The following NUBPL variants were observed in gnomAD, a reference collection of about 807,000 sequenced individuals.
NUBPL encodes the protein NUBP iron-sulfur cluster assembly factor, mitochondrial.
Under a neutral mutation model 45.7 loss-of-function variants are expected in NUBPL, and 31 were observed. That is an observed-to-expected ratio of 0.68 (90% CI 0.51 to 0.92). The LOEUF is 0.92. NUBPL is among the 40% of genes least tolerant of loss of function. The pLI, the probability that NUBPL is intolerant of heterozygous loss-of-function variation, is 0.00. For synonymous variants in NUBPL, 144 were observed against 140.9 expected, an observed-to-expected ratio of 1.02 and a Z score of -0.15; for missense variants, 401 against 398.7, an observed-to-expected ratio of 1.01 and a Z score of -0.05.
At chr14:31,822,553 A>C (rs1421004329) in intron 7 of NUBPL, among the ~76,000 whole-genome samples, 1 of 152,182 alleles carries the variant, frequency 6.6e-6, no homozygotes, top group Non-Finnish European at 1.5e-5. Flanking sequence ...TGTGTGAGCC[A>C]GTTATGTTTC....
intron 3 of NUBPL, among the ~76,000 whole-genome samples, chr14:31,571,476 T>TTC (rs1388008309): frequency 6.6e-6 from 1 of 151,928 alleles, no homozygotes; most frequent in Non-Finnish European, 1.5e-5. Context: ...TTTTTTTTTT[T>TTC]TCTCACTCTG....
intron 4 of NUBPL, among the ~76,000 whole-genome samples, chr14:31,617,169 T>C (rs895825694): frequency 2.0e-5 from 3 of 152,162 alleles, no homozygotes; most frequent in South Asian, 4.1e-4. Context: ...TAAGGAGATT[T>C]TGGGCTGAGA....
chr14:31,648,999 G>A (rs1248600051), intron 4 of NUBPL, among the ~76,000 whole-genome samples: 10 of 151,966 alleles, frequency 6.6e-5, no homozygotes, highest in African/African-American at 7.2e-5. Context: ...TAGTAGAGAC[G>A]GGGTTTCACC....
chr14:31,581,614 T>C (rs539961014), intron 3 of NUBPL, among the ~76,000 whole-genome samples: 1 of 152,332 alleles, frequency 6.6e-6, no homozygotes, highest in African/African-American at 2.4e-5. Context: ...GTGAATAGTA[T>C]TGAAATTTCC....
intron 4 of NUBPL, among the ~76,000 whole-genome samples, chr14:31,618,680 G>C (rs2034976405): frequency 6.6e-6 from 1 of 152,186 alleles, no homozygotes; most frequent in South Asian, 2.1e-4. Context: ...TTGTTGAGGA[G>C]TGTTTTACTT....
In NUBPL at chr14:31,760,745, G is replaced by A. The variant is rs149337624; in HGVS notation, c.514-27035G>A. On this transcript the variant is annotated intron_variant, in intron 6 of 10. Transcript: ENST00000281081. ...ACACTTAGGCTGATTCTATATCTTG[G>A]TTATTGTGTCATATATTGATTAAAA... Among the ~76,000 whole-genome samples the A allele has an allele frequency of 2.7e-3, 332 of 122,434 alleles. 2 individuals carry two copies. The highest frequency in any genetic ancestry group is 9.8e-3 in the African/African-American group (305 of 31,166). The allele number at this position is 122,434 out of a possible 152,430, so 80.3% of individuals were successfully genotyped here. A position where few individuals can be genotyped will look rare whatever the true frequency, so the allele number is the denominator to read the frequency against.
At chr14:31,624,308 C>A (rs887375529) in intron 4 of NUBPL, among the ~76,000 whole-genome samples, 1 of 152,046 alleles carries the variant, frequency 6.6e-6, no homozygotes, top group Non-Finnish European at 1.5e-5. Flanking sequence ...AAAAGGAATA[C>A]ATTTAAGAAA....
chr14:31,684,204 A>G (rs538650469), intron 6 of NUBPL, among the ~76,000 whole-genome samples: 2 of 152,286 alleles, frequency 1.3e-5, no homozygotes, highest in South Asian at 4.2e-4. Context: ...AATGGGGTTG[A>G]TGGTAGTTAC....
chr14:31,670,821 A>G (rs1222829419), intron 4 of NUBPL, among the ~76,000 whole-genome samples: 1 of 152,008 alleles, frequency 6.6e-6, no homozygotes, highest in Non-Finnish European at 1.5e-5. Context: ...ATTCTGTTCC[A>G]TTGGTCCATG....
intron 6 of NUBPL, among the ~76,000 whole-genome samples, chr14:31,694,777 G>A (rs1053595888): frequency 2.0e-5 from 3 of 152,210 alleles, no homozygotes; most frequent in African/African-American, 4.8e-5. Flanking sequence ...GCCTTTCAAA[G>A]TGTTGGGATT....
intron 6 of NUBPL, among the ~76,000 whole-genome samples, chr14:31,724,796 A>G (rs1215813528): frequency 6.6e-6 from 1 of 152,186 alleles, no homozygotes; most frequent in Non-Finnish European, 1.5e-5. Context: ...ATAAATGAAA[A>G]CCGTATAGTA....
chr14:31,564,911 A>G (rs1433846031), intron 2 of NUBPL, 103 bp from the exon 3 acceptor site: 1 of 686,026 alleles, frequency 1.5e-6, no homozygotes, highest in Non-Finnish European at 2.5e-6. Context: ...AAATATTAAA[A>G]TTACATGAAA....
chr14:31,833,971 T>C (rs1480750943), intron 8 of NUBPL, among the ~76,000 whole-genome samples: 1 of 152,128 alleles, frequency 6.6e-6, no homozygotes, highest in Non-Finnish European at 1.5e-5. Context: ...CTATACCACA[T>C]TTGACCTGGA....
chr14:31,805,077 A>AG (rs1284961634), intron 7 of NUBPL, among the ~76,000 whole-genome samples: 1 of 149,756 alleles, frequency 6.7e-6, no homozygotes, highest in African/African-American at 2.4e-5. Context: ...ACAAGACAAA[A>AG]AAAAACATTA....
At chr14:31,849,955 A>C in intron 9 of NUBPL, 164 bp from the exon 10 acceptor site, 1 of 653,048 alleles carries the variant, frequency 1.5e-6, no homozygotes, top group East Asian at 2.7e-5. Context: ...TCTTGTTTGT[A>C]ATTCCCATTT....
At chr14:31,617,592 A>T (rs12891119) in intron 4 of NUBPL, among the ~76,000 whole-genome samples, 3 of 152,172 alleles carry the variant, frequency 2.0e-5, no homozygotes, top group Non-Finnish European at 2.9e-5. Context: ...TGATTTGCAT[A>T]TGTTGAACCA....
intron 6 of NUBPL, among the ~76,000 whole-genome samples, chr14:31,745,591 T>A (rs919296225): frequency 6.0e-5 from 9 of 150,952 alleles, no homozygotes; most frequent in Admixed American, 3.3e-4. Flanking sequence ...GCTAGTTTGT[T>A]ATTGCTGTAT....
At chr14:31,665,002 GA>G (rs1295630776) in intron 4 of NUBPL, among the ~76,000 whole-genome samples, 1 of 152,004 alleles carries the variant, frequency 6.6e-6, no homozygotes, top group East Asian at 1.9e-4. Context: ...TTTTCTAGTT[GA>G]TTTGCGTAGA....
chr14:31,826,026 A>G (rs1454437646), intron 7 of NUBPL, among the ~76,000 whole-genome samples: 1 of 151,956 alleles, frequency 6.6e-6, no homozygotes, highest in Non-Finnish European at 1.5e-5. Context: ...TAGCTTGTGC[A>G]TCTGTATAAC....
Sources: allele counts gnomAD v4.1 joint callset (sites outside exome capture counted in the v4.1 genomes callset), GRCh38; gene constraint gnomAD v4.1.1; transcripts MANE v1.5; gene names NCBI Gene and HGNC (gene_info 2026-07-23, HGNC 2026-07-21).